BCAR3: variants seen among roughly 807,000 people sequenced by gnomAD.
BCAR3 encodes breast cancer anti-estrogen resistance protein 3.
A neutral mutation model predicts 80.1 loss-of-function variants in BCAR3; 37 were observed. The ratio of observed to expected loss-of-function variants is 0.46; its 90% CI spans 0.36 to 0.61. The LOEUF (loss-of-function observed/expected upper bound fraction) is 0.61. Ranked by LOEUF, BCAR3 falls within the 20% of genes least tolerant of loss-of-function variation. The pLI is 0.00. For missense variants in BCAR3, 978 were observed against 1,068.2 expected (o/e 0.92, Z 1.18); for synonymous variants, 389 against 418.9 (o/e 0.93, Z 0.87).
intron 2 of BCAR3, among the ~76,000 whole-genome samples, chr1:93,713,631 C>T (rs1335053397): frequency 6.6e-6 from 1 of 152,154 alleles, no homozygotes; most frequent in African/African-American, 2.4e-5. Flanking sequence ...CCTGTAGCTG[C>T]AATTGCATAG....
At chr1:93,664,729 A>T (rs536451880) in intron 2 of BCAR3, among the ~76,000 whole-genome samples, 2 of 152,322 alleles carry the variant, frequency 1.3e-5, no homozygotes, top group South Asian at 4.1e-4. Flanking sequence ...GGCAGCAGTC[A>T]GTCAAATTGA....
intron 3 of BCAR3, among the ~76,000 whole-genome samples, chr1:93,693,606 CAT>C (rs1649276546): frequency 6.6e-6 from 1 of 152,222 alleles, no homozygotes; most frequent in Non-Finnish European, 1.5e-5. Flanking sequence ...ATGATGAACA[CAT>C]AGCGTCCCCC....
intron 2 of BCAR3, among the ~76,000 whole-genome samples, chr1:93,673,624 C>T (rs373603970): frequency 6.6e-6 from 1 of 152,244 alleles, no homozygotes; most frequent in Non-Finnish European, 1.5e-5. Context: ...AGTTTCCAAA[C>T]TAGCTCTAAC....
intron 2 of BCAR3, among the ~76,000 whole-genome samples, chr1:93,839,660 C>T (rs1654889939): frequency 6.6e-6 from 1 of 152,200 alleles, no homozygotes; most frequent in Non-Finnish European, 1.5e-5. Context: ...TTTTCTTCCT[C>T]AGTTCCCTCA....
At chr1:93,613,565 T>C (rs72963382) in intron 3 of BCAR3, among the ~76,000 whole-genome samples, 6,391 of 152,286 alleles carry the variant, frequency 0.042, 437 homozygotes, top group African/African-American at 0.15. Flanking sequence ...TCTGTCCTAT[T>C]GAGCTACTTT....
chr1:93,764,030 A>G (rs12140344), intron 2 of BCAR3, among the ~76,000 whole-genome samples: 17,764 of 151,950 alleles, frequency 0.12, 1,461 homozygotes, highest in African/African-American at 0.22. Flanking sequence ...TCACACATAG[A>G]TCCGGAAAGT....
chr1:93,677,059 T>G (rs1648519081), intron 1 of BCAR3, among the ~76,000 whole-genome samples: 1 of 152,214 alleles, frequency 6.6e-6, no homozygotes, highest in African/African-American at 2.4e-5. Context: ...AACATTTAAG[T>G]GCCTATTTCA....
chr1:93,738,131 G>T (rs1651047133), intron 2 of BCAR3, among the ~76,000 whole-genome samples: 1 of 152,138 alleles, frequency 6.6e-6, no homozygotes, highest in African/African-American at 2.4e-5. Flanking sequence ...ACTGCACCCA[G>T]CTCCTGGGCT....
chr1:93,628,069 C>T (rs1675504182), intron 3 of BCAR3, among the ~76,000 whole-genome samples: 1 of 152,116 alleles, frequency 6.6e-6, no homozygotes, highest in African/African-American at 2.4e-5. Context: ...TTATGTGACA[C>T]TGAATCATTC....
chr1:93,595,306 A>G (rs942613881), intron 3 of BCAR3, among the ~76,000 whole-genome samples: 1 of 152,244 alleles, frequency 6.6e-6, no homozygotes, highest in African/African-American at 2.4e-5. Context: ...TTAAAAGGGA[A>G]GGAGGGAAAG....
chr1:93,620,528 C>G (rs1415809283), intron 3 of BCAR3, among the ~76,000 whole-genome samples: 1 of 152,152 alleles, frequency 6.6e-6, no homozygotes, highest in Admixed American at 6.5e-5. Context: ...TGGGCCCCCT[C>G]TGCCTATGGG....
At position 93,779,927 on chromosome 1, in the gene BCAR3, C is replaced by T. The variant is rs115361797; in HGVS notation, c.-63+65640G>A. 6.4e-3 allele frequency among the ~76,000 whole-genome samples: 977 copies of T among 152,216 alleles called. 15 individuals are homozygous for T. Among genetic ancestry groups the T allele is most frequent in the African/African-American group, 0.023 (946 of 41,512 alleles). ...GGGACCAGCTAATCCTAGGTGACTC[C>T]GGTTCCTGTTGCCCTTGGCCTCCAC... On this transcript the variant is annotated intron_variant, in intron 2 of 13. Transcript: ENST00000370244.
At chr1:93,723,329 G>C (rs935119123) in intron 2 of BCAR3, 1 of 152,288 alleles carries the variant, frequency 6.6e-6, no homozygotes, top group Non-Finnish European at 1.5e-5. Flanking sequence ...CATTCCTTTA[G>C]GGAAAGGCCA....
intron 2 of BCAR3, among the ~76,000 whole-genome samples, chr1:93,655,767 A>G (rs1465854813): frequency 6.6e-6 from 1 of 152,184 alleles, no homozygotes; most frequent in Non-Finnish European, 1.5e-5. Context: ...CTTTTAGGAG[A>G]GTCTTTCACA....
At chr1:93,790,068 A>G (rs1411086708) in intron 2 of BCAR3, among the ~76,000 whole-genome samples, 1 of 152,182 alleles carries the variant, frequency 6.6e-6, no homozygotes. Context: ...CTTACATTCT[A>G]TGGCTATTAG....
At chr1:93,789,510 G>A (rs1653067762) in intron 2 of BCAR3, among the ~76,000 whole-genome samples, 1 of 152,196 alleles carries the variant, frequency 6.6e-6, no homozygotes, top group African/African-American at 2.4e-5. Context: ...ATACGTATTA[G>A]TATATTTATT....
chr1:93,595,692 C>G (rs554414255), intron 3 of BCAR3, among the ~76,000 whole-genome samples: 4 of 152,344 alleles, frequency 2.6e-5, no homozygotes, highest in African/African-American at 9.6e-5. Context: ...TAGATAAGTA[C>G]TTTGATGGAC....
chr1:93,767,445 G>T (rs1008818191), intron 2 of BCAR3, among the ~76,000 whole-genome samples: 1 of 151,622 alleles, frequency 6.6e-6, no homozygotes, highest in East Asian at 1.9e-4. Context: ...GATCACTTGA[G>T]CCTGGGAAGT....
chr1:93,648,519 A>G (rs1676219327), intron 2 of BCAR3, among the ~76,000 whole-genome samples: 1 of 152,238 alleles, frequency 6.6e-6, no homozygotes, highest in African/African-American at 2.4e-5. Flanking sequence ...AAAAAGAAAG[A>G]ATAAAATAGA....
Sources: gnomAD v4.1 joint callset for allele counts (sites outside exome capture counted in the v4.1 genomes callset) on GRCh38, gnomAD v4.1.1 for gene constraint, MANE v1.5 for transcripts, NCBI Gene and HGNC (gene_info 2026-07-23, HGNC 2026-07-21) for gene names.